Variants in PKHD1 observed in about 807,000 individuals in gnomAD.
PKHD1 encodes PKHD1 ciliary IPT domain containing fibrocystin/polyductin, also known as fibrocystin.
A neutral mutation model predicts 412.0 loss-of-function variants in PKHD1; 291 were observed. The observed-to-expected ratio is 0.71, with a 90% CI of 0.64 to 0.78. PKHD1 has a LOEUF of 0.78. Among genes scored for constraint, PKHD1 ranks in the 30% least tolerant of loss-of-function variants. The probability of loss-of-function intolerance (pLI) is 0.00; values close to 1 mark genes in which losing one functional copy is unlikely to be tolerated. For missense variants in PKHD1, 4,825 were observed against 4,950.7 expected, an observed-to-expected ratio of 0.97 and a Z score of 0.76; for synonymous variants, 1,777 against 1,821.5, an observed-to-expected ratio of 0.98 and a Z score of 0.62.
At chr6:51,675,309 C>T (rs976455507) in intron 60 of PKHD1, among the ~76,000 whole-genome samples, 2 of 152,170 alleles carry the variant, frequency 1.3e-5, no homozygotes, top group South Asian at 2.1e-4. Flanking sequence ...TTGTTTTCTT[C>T]CTGCTTCTGT....
chr6:51,663,700 T>A (rs530524846), intron 60 of PKHD1, among the ~76,000 whole-genome samples: 1 of 152,320 alleles, frequency 6.6e-6, no homozygotes, highest in African/African-American at 2.4e-5. Context: ...AGACTCTTAC[T>A]CTATAGTACA....
At chr6:51,952,321 T>G (rs1790476958) in intron 36 of PKHD1, among the ~76,000 whole-genome samples, 1 of 152,180 alleles carries the variant, frequency 6.6e-6, no homozygotes, top group Non-Finnish European at 1.5e-5. Context: ...CATTTGAGGG[T>G]ACCAGGAAGG....
intron 36 of PKHD1, among the ~76,000 whole-genome samples, chr6:51,942,444 C>T (rs1788741049): frequency 6.6e-6 from 1 of 151,656 alleles, no homozygotes; most frequent in African/African-American, 2.4e-5. Context: ...CTCATAACTT[C>T]CAAAACCTAT....
chr6:51,834,124 G>C (rs1216808765), intron 51 of PKHD1, among the ~76,000 whole-genome samples: 4 of 152,166 alleles, frequency 2.6e-5, no homozygotes, highest in East Asian at 3.8e-4. Flanking sequence ...CAGGACAGCT[G>C]TCTGCTAAAG....
chr6:51,864,931 C>T (rs1221824748), intron 48 of PKHD1, among the ~76,000 whole-genome samples: 1 of 150,988 alleles, frequency 6.6e-6, no homozygotes, highest in Admixed American at 6.6e-5. Context: ...TATTTCTATA[C>T]AGAAAAAAAA....
rs78563100 is a variant in PKHD1, at chr6:52,044,796, C to T, written c.2715+170G>A. 0.011 allele frequency among the ~76,000 whole-genome samples: 1,628 copies of T among 152,248 alleles called. 32 individuals are homozygous for T. Among genetic ancestry groups the T allele is most frequent in the African/African-American group, 0.036 (1,514 of 41,542 alleles). On this transcript the variant is annotated intron_variant, in intron 25 of 66. Transcript: ENST00000371117. ...ACAAGGCATTTATATTTTCAGGGAA[C>T]TGTACATACCCTGTGGAGGTAGAAA...
intron 64 of PKHD1, 96 bp from the exon 65 acceptor site, chr6:51,632,819 G>C: frequency 3.4e-6 from 3 of 893,244 alleles, no homozygotes; most frequent in South Asian, 1.5e-5. Context: ...AATAGTATCT[G>C]GGATATAGTA....
intron 26 of PKHD1, 127 bp downstream of exon 26, chr6:52,043,498 G>A (rs573919997): frequency 1.4e-5 from 10 of 735,808 alleles, no homozygotes; most frequent in Admixed American, 2.0e-5. Context: ...TTTCTGCTAC[G>A]TCACTCAACC....
chr6:51,768,788 A>T (rs770420708), intron 55 of PKHD1, among the ~76,000 whole-genome samples: 8 of 151,694 alleles, frequency 5.3e-5, no homozygotes, highest in Non-Finnish European at 8.9e-5. Flanking sequence ...GTTTGAGAGG[A>T]ATCCTTTAAT....
intron 35 of PKHD1, among the ~76,000 whole-genome samples, chr6:52,001,885 A>G (rs73433719): frequency 0.013 from 1,915 of 152,338 alleles, 47 homozygotes; most frequent in African/African-American, 0.043. Context: ...TTAACTTGGC[A>G]TAACAATTTA....
intron 60 of PKHD1, among the ~76,000 whole-genome samples, chr6:51,713,018 A>C (rs1411908311): frequency 3.3e-5 from 5 of 152,220 alleles, no homozygotes; most frequent in African/African-American, 1.2e-4. Context: ...TAAAACAGAT[A>C]AAATGATTAG....
intron 46 of PKHD1, among the ~76,000 whole-genome samples, chr6:51,880,645 T>G (rs1249372183): frequency 4.0e-5 from 1 of 25,076 alleles, no homozygotes; most frequent in African/African-American, 2.2e-4. Flanking sequence ...AGGGATAGCA[T>G]TGGGAGATAT....
chr6:51,941,105 C>A (rs1315409964), intron 36 of PKHD1, among the ~76,000 whole-genome samples: 1 of 151,136 alleles, frequency 6.6e-6, no homozygotes, highest in African/African-American at 2.4e-5. Context: ...CCCTCCTTGG[C>A]GACTGATCAT....
chr6:51,811,067 AC>A (rs1202468337), intron 52 of PKHD1, among the ~76,000 whole-genome samples: 1 of 152,140 alleles, frequency 6.6e-6, no homozygotes, highest in African/African-American at 2.4e-5. Context: ...TCTTTGTGCC[AC>A]CTTTATCTAA....
At chr6:51,961,472 C>T (rs1056831591) in intron 35 of PKHD1, among the ~76,000 whole-genome samples, 3 of 152,038 alleles carry the variant, frequency 2.0e-5, no homozygotes, top group African/African-American at 7.2e-5. Context: ...AATAGGTGAT[C>T]CAGGAGCATC....
At chr6:51,906,815 G>C (rs1782170783) in intron 40 of PKHD1, among the ~76,000 whole-genome samples, 1 of 152,112 alleles carries the variant, frequency 6.6e-6, no homozygotes. Flanking sequence ...ATTCCTAACT[G>C]TAAGCAAGGT....
chr6:51,846,151 G>A (rs1352787404), intron 50 of PKHD1, among the ~76,000 whole-genome samples: 1 of 152,132 alleles, frequency 6.6e-6, no homozygotes, highest in Non-Finnish European at 1.5e-5. Context: ...AATTTGAATG[G>A]TATAATTCAG....
At chr6:51,741,753 G>A (rs928896333) in intron 60 of PKHD1, among the ~76,000 whole-genome samples, 10 of 152,132 alleles carry the variant, frequency 6.6e-5, no homozygotes, top group Middle Eastern at 3.4e-3. Flanking sequence ...TTATAGGATC[G>A]CCCCCCATTA....
At chr6:51,819,460 T>C (rs2151443380) in intron 52 of PKHD1, among the ~76,000 whole-genome samples, 1 of 152,192 alleles carries the variant, frequency 6.6e-6, no homozygotes, top group East Asian at 1.9e-4. Flanking sequence ...AGCCTTCAAA[T>C]ATGAATTGTA....
Sources: allele counts gnomAD v4.1 joint callset (sites outside exome capture counted in the v4.1 genomes callset), GRCh38; gene constraint gnomAD v4.1.1; transcripts MANE v1.5; gene names NCBI Gene and HGNC (gene_info 2026-07-23, HGNC 2026-07-21).